The following TRIQK variants were observed in gnomAD, a reference collection of about 807,000 sequenced individuals.
TRIQK encodes triple QxxK/R motif containing, also known as triple QxxK/R motif-containing protein.
TRIQK carries 10 observed loss-of-function variants against 10.8 expected under a neutral mutation model. That is an observed-to-expected ratio of 0.92 (90% confidence interval 0.57 to 1.57). The LOEUF (loss-of-function observed/expected upper bound fraction) is 1.57. Ranked by LOEUF, TRIQK falls within the 40% of genes most tolerant of loss-of-function variation. TRIQK has a pLI of 0.00. For synonymous variants in TRIQK, 33 were observed against 33.7 expected (o/e 0.98, Z 0.07); for missense variants, 107 against 97.7 (o/e 1.09, Z -0.40).
intron 1 of TRIQK, among the ~76,000 whole-genome samples, chr8:92,976,790 G>A (rs1017946305): frequency 6.6e-6 from 1 of 151,864 alleles, no homozygotes; most frequent in African/African-American, 2.4e-5. Context: ...CTTCATAGCT[G>A]TAACTTTTTA....
At chr8:93,009,707 G>A (rs576076203) in intron 1 of TRIQK, among the ~76,000 whole-genome samples, 4 of 151,948 alleles carry the variant, frequency 2.6e-5, no homozygotes, top group Non-Finnish European at 5.9e-5. Flanking sequence ...AGCTATTATG[G>A]AAAACATTAT....
chr8:92,899,704 A>G (rs1432424829), intron 3 of TRIQK, among the ~76,000 whole-genome samples: 1 of 152,224 alleles, frequency 6.6e-6, no homozygotes, highest in African/African-American at 2.4e-5. Flanking sequence ...TAGTGCTGCA[A>G]TAAACGTAGG....
intron 1 of TRIQK, 48 bp downstream of exon 1, chr8:92,965,959 T>G (rs1303669760): frequency 2.0e-5 from 3 of 152,622 alleles, no homozygotes; most frequent in Non-Finnish European, 2.9e-5. Context: ...GACCCCGAGC[T>G]TCCCGGGCAG....
intron 2 of TRIQK, among the ~76,000 whole-genome samples, chr8:92,944,060 G>A (rs1286574775): frequency 2.0e-5 from 3 of 152,036 alleles, no homozygotes; most frequent in Admixed American, 6.6e-5. Flanking sequence ...CAAAAGACCT[G>A]AATAGACATT....
intron 1 of TRIQK, among the ~76,000 whole-genome samples, chr8:93,011,179 T>TAC (rs553408139): frequency 0.04 from 5,514 of 138,716 alleles, 314 homozygotes; most frequent in African/African-American, 0.13. Flanking sequence ...TACACATACA[T>TAC]ACACACACAC....
Position 93,003,748 on chromosome 8 carries a change from G to A in TRIQK, c.-181+13861C>T, listed in dbSNP as rs144823612. ...ACCTCCAGGATACAATGAGCGTACA[G>A]GCATTTGGTAAATGCTTCCATTCCA... On this transcript the variant is annotated intron_variant, in intron 1 of 4. Coordinates refer to the TRIQK transcript ENST00000520686. 3.5e-3 allele frequency among the ~76,000 whole-genome samples: 528 copies of A among 152,292 alleles called. 4 individuals carry two copies. Among genetic ancestry groups the A allele is most frequent in the African/African-American group, 0.012 (504 of 41,558 alleles).
intron 3 of TRIQK, among the ~76,000 whole-genome samples, chr8:92,893,436 G>A (rs542331100): frequency 6.6e-6 from 1 of 152,030 alleles, no homozygotes; most frequent in East Asian, 1.9e-4. Context: ...TGAGCATGCA[G>A]AAGCTTAATA....
intron 1 of TRIQK, among the ~76,000 whole-genome samples, chr8:93,013,326 G>T (rs938671857): frequency 1.1e-4 from 16 of 152,082 alleles, no homozygotes; most frequent in African/African-American, 3.4e-4. Context: ...TTCTTTGTCT[G>T]TCTTGCTTAA....
intron 1 of TRIQK, chr8:92,973,686 A>T (rs1286791722): frequency 6.6e-6 from 1 of 152,202 alleles, no homozygotes; most frequent in African/African-American, 2.4e-5. Context: ...TAAGGAAAAC[A>T]TTAGTAAGGA....
intron 1 of TRIQK, among the ~76,000 whole-genome samples, chr8:93,000,505 T>A (rs903445176): frequency 6.6e-6 from 1 of 152,132 alleles, no homozygotes; most frequent in Non-Finnish European, 1.5e-5. Context: ...GTTCCAATGA[T>A]TCAGTCACCT....
intron 3 of TRIQK, among the ~76,000 whole-genome samples, chr8:92,893,484 G>A (rs2130280173): frequency 6.6e-6 from 1 of 151,956 alleles, no homozygotes; most frequent in South Asian, 2.1e-4. Context: ...ATCTAGAAAT[G>A]AGACAATTGT....
chr8:92,916,330 G>A (rs554403072), intron 3 of TRIQK, among the ~76,000 whole-genome samples: 1 of 152,246 alleles, frequency 6.6e-6, no homozygotes, highest in Non-Finnish European at 1.5e-5. Context: ...TGCTAAGTGA[G>A]CTTTTCTAGT....
chr8:92,952,568 A>G (rs1811964430), intron 2 of TRIQK, among the ~76,000 whole-genome samples: 1 of 152,026 alleles, frequency 6.6e-6, no homozygotes, highest in South Asian at 2.1e-4. Context: ...ATGACTGAGA[A>G]TAAATGTCAG....
chr8:92,929,267 T>C (rs1022454094), intron 2 of TRIQK, among the ~76,000 whole-genome samples: 2 of 152,150 alleles, frequency 1.3e-5, no homozygotes, highest in Admixed American at 6.5e-5. Flanking sequence ...AGACAGATGG[T>C]AATGTCATTA....
intron 2 of TRIQK, among the ~76,000 whole-genome samples, chr8:92,929,296 G>A (rs1198381512): frequency 6.6e-6 from 1 of 152,124 alleles, no homozygotes; most frequent in African/African-American, 2.4e-5. Context: ...AGGTAATCTA[G>A]AAGTAGGTAT....
upstream of TRIQK, among the ~76,000 whole-genome samples, chr8:92,968,889 G>A (rs995288726): frequency 5.3e-5 from 8 of 152,072 alleles, no homozygotes; most frequent in Admixed American, 2.6e-4. Flanking sequence ...CTTATGTCCC[G>A]AATGATATTG....
At chr8:92,890,857 A>T (rs1363048246) in intron 4 of TRIQK, among the ~76,000 whole-genome samples, 1 of 151,970 alleles carries the variant, frequency 6.6e-6, no homozygotes, top group Non-Finnish European at 1.5e-5. Context: ...CCAAATGTAA[A>T]ATTTAAAAAA....
At chr8:92,982,231 G>A (rs1411602998) in intron 1 of TRIQK, among the ~76,000 whole-genome samples, 2 of 151,678 alleles carry the variant, frequency 1.3e-5, no homozygotes, top group African/African-American at 4.8e-5. Flanking sequence ...ATAATTTTCA[G>A]TACTACATCA....
chr8:92,945,800 T>C (rs1811501569), intron 2 of TRIQK, among the ~76,000 whole-genome samples: 2 of 152,152 alleles, frequency 1.3e-5, no homozygotes, highest in South Asian at 4.1e-4. Context: ...CAGTTAATTA[T>C]CAATTAAGTT....
Sources: gnomAD v4.1 joint callset for allele counts (sites outside exome capture counted in the v4.1 genomes callset) on GRCh38, gnomAD v4.1.1 for gene constraint, MANE v1.5 for transcripts, NCBI Gene and HGNC (gene_info 2026-07-23, HGNC 2026-07-21) for gene names.